Variants in B3GALT1 observed in about 807,000 individuals in gnomAD.
B3GALT1 encodes UDP-Gal:betaGlcNAc beta 1,3-galactosyltransferase, polypeptide 1.
In B3GALT1, 10 loss-of-function variants were observed where a neutral mutation model predicts 23.2. The observed-to-expected ratio is 0.43, with a 90% CI of 0.27 to 0.73. The LOEUF (loss-of-function observed/expected upper bound fraction) is 0.73, where lower values mean the gene tolerates loss of function less well. Ranked by LOEUF, B3GALT1 falls within the 30% of genes least tolerant of loss-of-function variation. The pLI is 0.21. For missense variants in B3GALT1, 299 were observed against 405.4 expected (o/e 0.74, Z 2.25); for synonymous variants, 156 against 141.5 (o/e 1.10, Z -0.73).
chr2:167,785,020 C>T (rs1688317961), intron 3 of B3GALT1, among the ~76,000 whole-genome samples: 2 of 152,110 alleles, frequency 1.3e-5, no homozygotes, highest in Non-Finnish European at 2.9e-5. Context: ...ACTCATCTGC[C>T]GTGTACATCT....
chr2:167,720,160 A>G (rs1687209730), intron 3 of B3GALT1, among the ~76,000 whole-genome samples: 1 of 152,214 alleles, frequency 6.6e-6, no homozygotes, highest in Admixed American at 6.5e-5. Flanking sequence ...AGCAGGATTG[A>G]ACATTTTGAT....
intron 2 of B3GALT1, among the ~76,000 whole-genome samples, chr2:167,512,185 T>G (rs1373900194): frequency 1.3e-5 from 2 of 152,002 alleles, no homozygotes; most frequent in Non-Finnish European, 2.9e-5. Flanking sequence ...TTTCCAACAT[T>G]AGCTGAAAAA....
rs1437053619 is a variant in B3GALT1, at chr2:167,671,106, G to A, written c.-352+24140G>A. Among the ~76,000 whole-genome samples the A allele has an allele frequency of 5.3e-5, 8 of 152,238 alleles. No homozygotes were observed. In the South Asian group the frequency reaches 1.7e-3, roughly 32 times the overall value. ...AAGACCAAGAAGGTCATCATATAAT[G>A]ACAAAGGATGTAACAATTATATATG... On this transcript the variant is annotated intron_variant, in intron 3 of 4. Transcript: ENST00000392690.
rs113883915 is a variant in B3GALT1 at position 167,825,101 on chromosome 2, C to T, written c.-230+6308C>T. Among the ~76,000 whole-genome samples the T allele has an allele frequency of 3.0e-4, 46 of 151,830 alleles. 1 individual carries two copies. The highest frequency in any genetic ancestry group is 1.1e-3 in the African/African-American group (45 of 41,370). Reference sequence around the variant, plus strand: ...GAGATCGAGACCATCCTGGCTAACACGATGAAACCCCGTCTCTATTAAAAA... The same window carrying T: ...GAGATCGAGACCATCCTGGCTAACATGATGAAACCCCGTCTCTATTAAAAA... On this transcript the variant is annotated intron_variant, in intron 4 of 4. Transcript: ENST00000392690.
At chr2:167,496,086 T>TG (rs1186417396) in intron 2 of B3GALT1, among the ~76,000 whole-genome samples, 2 of 152,034 alleles carry the variant, frequency 1.3e-5, no homozygotes, top group East Asian at 3.9e-4. Flanking sequence ...ATTTCTTTTT[T>TG]TAGTACAAAT....
intron 3 of B3GALT1, among the ~76,000 whole-genome samples, chr2:167,647,871 CA>C (rs1685776028): frequency 6.6e-6 from 1 of 152,072 alleles, no homozygotes; most frequent in African/African-American, 2.4e-5. Flanking sequence ...GTGAAATAAG[CA>C]CATCATGAAG....
intron 1 of B3GALT1, among the ~76,000 whole-genome samples, chr2:167,425,517 T>A (rs2105304242): frequency 6.6e-6 from 1 of 152,192 alleles, no homozygotes; most frequent in East Asian, 1.9e-4. Context: ...GAGAAAAAAA[T>A]TACTTTTTCA....
chr2:167,799,042 G>C (rs1024570163), intron 3 of B3GALT1, among the ~76,000 whole-genome samples: 1 of 152,150 alleles, frequency 6.6e-6, no homozygotes, highest in Non-Finnish European at 1.5e-5. Flanking sequence ...AGGCATTCCT[G>C]TCTTAATGTT....
chr2:167,614,791 T>C (rs959228961), intron 2 of B3GALT1, among the ~76,000 whole-genome samples: 12 of 152,082 alleles, frequency 7.9e-5, no homozygotes, highest in South Asian at 4.1e-4. Flanking sequence ...ATATTTCAAA[T>C]ACATTAGAAA....
chr2:167,599,754 A>G (rs1259592392), intron 2 of B3GALT1, among the ~76,000 whole-genome samples: 1 of 152,222 alleles, frequency 6.6e-6, no homozygotes, highest in Non-Finnish European at 1.5e-5. Flanking sequence ...ATACTGTTTT[A>G]CTGCCAGAAT....
At chr2:167,418,189 A>G (rs1698496771) in intron 1 of B3GALT1, among the ~76,000 whole-genome samples, 1 of 152,204 alleles carries the variant, frequency 6.6e-6, no homozygotes, top group Non-Finnish European at 1.5e-5. Context: ...TGACTCTCAA[A>G]GTTACAGATC....
intron 1 of B3GALT1, among the ~76,000 whole-genome samples, chr2:167,386,738 T>C (rs1697934562): frequency 6.6e-6 from 1 of 152,204 alleles, no homozygotes; most frequent in Non-Finnish European, 1.5e-5. Flanking sequence ...TCACACAAAA[T>C]AGGAACTTAC....
At chr2:167,762,624 A>G (rs796491646) in intron 3 of B3GALT1, among the ~76,000 whole-genome samples, 1 of 151,938 alleles carries the variant, frequency 6.6e-6, no homozygotes, top group Non-Finnish European at 1.5e-5. Flanking sequence ...GATAAAATTG[A>G]AAAAGACAGC....
chr2:167,467,278 G>A (rs2105328899), intron 1 of B3GALT1, among the ~76,000 whole-genome samples: 1 of 152,158 alleles, frequency 6.6e-6, no homozygotes, highest in African/African-American at 2.4e-5. Flanking sequence ...CAGAGAAAAA[G>A]TGAGAAGAAA....
chr2:167,328,687 T>C (rs1384126498), intron 1 of B3GALT1, among the ~76,000 whole-genome samples: 2 of 152,152 alleles, frequency 1.3e-5, no homozygotes, highest in South Asian at 2.1e-4. Flanking sequence ...ATTTTCTTAG[T>C]CTCTATTTTG....
intron 2 of B3GALT1, among the ~76,000 whole-genome samples, chr2:167,541,720 C>G (rs1432904642): frequency 6.6e-6 from 1 of 152,066 alleles, no homozygotes; most frequent in African/African-American, 2.4e-5. Context: ...ATATTGTCCT[C>G]CATGAATACC....
chr2:167,293,874 G>A (rs531757956), intron 1 of B3GALT1, among the ~76,000 whole-genome samples: 3 of 144,174 alleles, frequency 2.1e-5, no homozygotes, highest in South Asian at 2.3e-4. Flanking sequence ...GAGGGGAAGG[G>A]AAGAGAGGGA....
At chr2:167,819,260 T>G (rs1041064523) in intron 4 of B3GALT1, among the ~76,000 whole-genome samples, 2 of 152,216 alleles carry the variant, frequency 1.3e-5, no homozygotes, top group Non-Finnish European at 2.9e-5. Context: ...ACTAATTGAT[T>G]CTTGAAACTT....
chr2:167,563,832 C>T (rs1044572460), intron 2 of B3GALT1, among the ~76,000 whole-genome samples: 2 of 143,774 alleles, frequency 1.4e-5, no homozygotes, highest in Non-Finnish European at 3.1e-5. Context: ...CAGAGAGGCT[C>T]CCCACCTCCC....
Sources: gnomAD v4.1 joint callset for allele counts (sites outside exome capture counted in the v4.1 genomes callset) on GRCh38, gnomAD v4.1.1 for gene constraint, MANE v1.5 for transcripts, NCBI Gene and HGNC (gene_info 2026-07-23, HGNC 2026-07-21) for gene names.